The following NUP98 variants were observed in gnomAD, a reference collection of about 807,000 sequenced individuals.
NUP98 encodes nuclear pore complex protein Nup98-Nup96.
Under a neutral mutation model 191.9 loss-of-function variants are expected in NUP98, and 26 were observed. That is an observed-to-expected ratio of 0.14 (90% CI 0.10 to 0.19). NUP98 has a LOEUF of 0.19. Among genes scored for constraint, NUP98 ranks in the 10% least tolerant of loss-of-function variants. The pLI is 1.00. For missense variants in NUP98, 1,941 were observed against 2,178.8 expected (o/e 0.89, Z 2.17); for synonymous variants, 808 against 778.4 (o/e 1.04, Z -0.63).
chr11:3,694,781 G>A (rs1485368049), intron 26 of NUP98, among the ~76,000 whole-genome samples: 1 of 151,984 alleles, frequency 6.6e-6, no homozygotes, highest in African/African-American at 2.4e-5. Flanking sequence ...TGATGCAGTG[G>A]CTCATGCCTG....
At chr11:3,735,965 T>A (rs1369511429) in intron 12 of NUP98, among the ~76,000 whole-genome samples, 2 of 151,820 alleles carry the variant, frequency 1.3e-5, no homozygotes, top group African/African-American at 4.8e-5. Context: ...TGTAGTGGCA[T>A]GATCTTGGCT....
In NUP98 at chr11:3,778,874, G is replaced by A. The variant is rs1250876343; in HGVS notation, c.354C>T (p.Gly118=). Residue 118 remains glycine (G), a splice_region_variant and synonymous_variant, in exon 4 of 33, where the codon GGC becomes GGT. Coordinates refer to ENST00000324932, the MANE Select transcript of NUP98 (RefSeq NM_016320.5). The stretch of plus-strand genomic sequence containing the variant: ...GAACTCCAGTGATGTCCCACTTACT[G>A]CCAAAGCCAGTTGGTTTATTTTGTG... ...AFAQNKPTGF[G]NFGTSTSSGG... The A allele has an allele frequency of 1.2e-6, 2 of 1,613,540 alleles. No homozygotes were observed. Among genetic ancestry groups the A allele is most frequent in the Non-Finnish European group, 1.7e-6 (2 of 1,179,800 alleles).
intron 20 of NUP98, among the ~76,000 whole-genome samples, chr11:3,709,998 C>CA (rs71466124): frequency 0.18 from 17,395 of 94,240 alleles, 1,412 homozygotes; most frequent in East Asian, 0.32. Flanking sequence ...AAAAAGTTTA[C>CA]AAAAAAAAAA....
intron 1 of NUP98, among the ~76,000 whole-genome samples, chr11:3,787,514 C>T (rs1299636032): frequency 6.6e-6 from 1 of 152,096 alleles, no homozygotes; most frequent in East Asian, 1.9e-4. Flanking sequence ...ACCCGGAAGG[C>T]AGAGGTTGCA....
chr11:3,676,125 T>C lies in NUP98; in HGVS notation c.*34A>G. Reference sequence around the variant, plus strand: ...GCAGGGAACCTCTGTGTGGTGTGAATGGGCATGTGACTGTGATGCAAAGTG... The same window carrying C: ...GCAGGGAACCTCTGTGTGGTGTGAACGGGCATGTGACTGTGATGCAAAGTG... On this transcript the variant is annotated 3_prime_UTR_variant, in exon 33 of 33. Transcript: ENST00000324932. 6.3e-7 allele frequency: 1 copy of C among 1,594,590 alleles called. No homozygotes were observed. Among genetic ancestry groups the C allele is most frequent in the Non-Finnish European group, 8.6e-7 (1 of 1,165,766 alleles).
Position 3,768,684 on chromosome 11 carries a change from G to A in NUP98, c.845C>T (p.Thr282Ile), listed in dbSNP as rs769095343. Residue 282 changes from threonine (T) to isoleucine (I), a missense_variant, in exon 8 of 33, where the codon ACC becomes ATC. Physicochemically the swap from Thr to Ile is moderately conservative, Grantham distance 89 (BLOSUM62 -1). This residue lies in a region of NUP98 where 181 missense variants were observed against 228.0 expected (regional missense o/e 0.79). Transcript: ENST00000324932. ...GCCAAATGGTTTGCTGAAGAGGCTGGTAGTCTGCTGATTCTGTTGGCCAAA... is the reference window on the plus strand; with the variant it reads ...GCCAAATGGTTTGCTGAAGAGGCTGATAGTCTGCTGATTCTGTTGGCCAAA... ...GLFGQQNQQT[T>I]SLFSKPFGQA... The A allele has an allele frequency of 5.0e-6, 8 of 1,608,686 alleles. No homozygotes were observed. The highest frequency in any genetic ancestry group is 6.8e-6 in the Non-Finnish European group (8 of 1,176,888).
intron 20 of NUP98, chr11:3,711,789 C>T (rs1363044272): frequency 6.5e-6 from 6 of 926,306 alleles, no homozygotes; most frequent in African/African-American, 1.8e-5. Context: ...CATACCCTCC[C>T]CTCCCCTGTA....
chr11:3,787,451 C>T (rs1284176040), intron 1 of NUP98, among the ~76,000 whole-genome samples: 2 of 152,004 alleles, frequency 1.3e-5, no homozygotes, highest in Non-Finnish European at 2.9e-5. Flanking sequence ...GAAGCGGTGG[C>T]GCATGCCTGT....
intron 30 of NUP98, among the ~76,000 whole-genome samples, chr11:3,682,450 G>A (rs2078010886): frequency 6.6e-6 from 1 of 152,166 alleles, no homozygotes; most frequent in South Asian, 2.1e-4. Context: ...CATATTTAGA[G>A]GCCATTGTAG....
chr11:3,689,451 TG>T (rs1349903829), intron 28 of NUP98, among the ~76,000 whole-genome samples: 1 of 151,606 alleles, frequency 6.6e-6, no homozygotes, highest in Admixed American at 6.6e-5. Flanking sequence ...GGCGTGAACC[TG>T]GAAGGCAGAG....
In NUP98 at chr11:3,753,896, G is replaced by A. The variant is rs145555632; in HGVS notation, c.1175-488C>T. Among the ~76,000 whole-genome samples the A allele has an allele frequency of 2.1e-3, 312 of 149,862 alleles. 1 individual carries two copies. The highest frequency in any genetic ancestry group is 6.9e-3 in the African/African-American group (281 of 40,932). ...AAAGGTTGCAGTGAGCCTAGATTGC[G>A]CCACTGCACTCCAGCCTGGGCAACA... On this transcript the variant is annotated intron_variant, in intron 10 of 32. Coordinates refer to ENST00000324932, the MANE Select transcript of NUP98 (RefSeq NM_016320.5).
At chr11:3,795,245 G>A (rs1490379214) in intron 1 of NUP98, among the ~76,000 whole-genome samples, 2 of 152,046 alleles carry the variant, frequency 1.3e-5, no homozygotes, top group East Asian at 3.9e-4. Context: ...TTCGATACCA[G>A]CCTGGGCAAC....
At chr11:3,701,697 T>C (rs1481760887) in intron 23 of NUP98, among the ~76,000 whole-genome samples, 1 of 151,826 alleles carries the variant, frequency 6.6e-6, no homozygotes, top group African/African-American at 2.4e-5. Context: ...CTCTCTTTTT[T>C]TTTTTTGAGA....
At chr11:3,778,805 G>T (rs913241138) in intron 4 of NUP98, 68 bp downstream of exon 4, 13 of 1,490,294 alleles carry the variant, frequency 8.7e-6, no homozygotes, top group Non-Finnish European at 1.0e-5. Flanking sequence ...GAAAAACGGA[G>T]AAAAGACAAC....
intron 10 of NUP98, chr11:3,760,075 T>G (rs1309977895): frequency 1.9e-5 from 3 of 158,104 alleles, no homozygotes; most frequent in African/African-American, 5.2e-5. Context: ...CTCAGCACTT[T>G]GGGAGGCTAA....
intron 1 of NUP98, among the ~76,000 whole-genome samples, chr11:3,796,550 G>A (rs2082589958): frequency 6.6e-6 from 1 of 152,208 alleles, no homozygotes. Flanking sequence ...GAACAGAGCT[G>A]GTAGCAACTA....
intron 19 of NUP98, among the ~76,000 whole-genome samples, chr11:3,713,563 T>C (rs2079083692): frequency 6.6e-6 from 1 of 152,072 alleles, no homozygotes; most frequent in Non-Finnish European, 1.5e-5. Context: ...TACAAACATT[T>C]TAAAAAGTAG....
chr11:3,724,374 T>C (rs61879832), intron 15 of NUP98, among the ~76,000 whole-genome samples: 7,576 of 149,696 alleles, frequency 0.051, 250 homozygotes, highest in Middle Eastern at 0.1. Context: ...CATCAGAGGA[T>C]ACAGTGGGCC....
intron 6 of NUP98, among the ~76,000 whole-genome samples, 156 bp downstream of exon 6, chr11:3,773,476 A>G (rs1382002776): frequency 6.6e-6 from 1 of 152,186 alleles, no homozygotes; most frequent in African/African-American, 2.4e-5. Context: ...TCTATAAATA[A>G]TACTTGATTT....
Sources: allele counts gnomAD v4.1 joint callset (sites outside exome capture counted in the v4.1 genomes callset), GRCh38; gene constraint gnomAD v4.1.1; regional missense constraint gnomAD v4.1.1; transcripts MANE v1.5; gene names NCBI Gene and HGNC (gene_info 2026-07-23, HGNC 2026-07-21).